CDK19: variants seen among roughly 807,000 people sequenced by gnomAD.
CDK19 encodes cyclin dependent kinase 19.
A neutral mutation model predicts 68.3 loss-of-function variants in CDK19; 20 were observed. The observed-to-expected ratio is 0.29, with a 90% CI of 0.21 to 0.43. The LOEUF (loss-of-function observed/expected upper bound fraction) is 0.43. Ranked by LOEUF, CDK19 falls within the 20% of genes least tolerant of loss-of-function variation. CDK19 has a pLI of 1.00. For missense variants in CDK19, 339 were observed against 623.5 expected, an observed-to-expected ratio of 0.54 and a Z score of 4.86; for synonymous variants, 221 against 222.8, an observed-to-expected ratio of 0.99 and a Z score of 0.07.
At chr6:110,748,236 G>C (rs992585883) in intron 1 of CDK19, among the ~76,000 whole-genome samples, 19 of 152,230 alleles carry the variant, frequency 1.2e-4, no homozygotes, top group African/African-American at 3.8e-4. Flanking sequence ...GAAACTATAA[G>C]ATCTTTGCAG....
intron 1 of CDK19, among the ~76,000 whole-genome samples, chr6:110,796,153 A>G (rs1583121895): frequency 6.6e-6 from 1 of 152,296 alleles, no homozygotes; most frequent in East Asian, 1.9e-4. Context: ...CCTGGCCAAC[A>G]TGGAGAAACC....
intron 1 of CDK19, among the ~76,000 whole-genome samples, chr6:110,749,774 CTATT>C (rs770260936): frequency 6.9e-4 from 104 of 151,568 alleles, no homozygotes; most frequent in Non-Finnish European, 1.3e-3. Context: ...AATGACCACA[CTATT>C]TTTTTTTTTT....
intron 4 of CDK19, among the ~76,000 whole-genome samples, chr6:110,664,104 T>C (rs1356799016): frequency 2.0e-5 from 3 of 152,172 alleles, no homozygotes; most frequent in Non-Finnish European, 4.4e-5. Context: ...CTCCAACCCA[T>C]ATCTTCTGAG....
At chr6:110,746,526 C>T (rs1778089043) in intron 1 of CDK19, among the ~76,000 whole-genome samples, 1 of 152,268 alleles carries the variant, frequency 6.6e-6, no homozygotes, top group South Asian at 2.1e-4. Context: ...TAATTCCACT[C>T]CTGTCTTAAT....
intron 2 of CDK19, among the ~76,000 whole-genome samples, chr6:110,710,170 T>C (rs979131223): frequency 1.3e-5 from 2 of 152,154 alleles, no homozygotes; most frequent in Admixed American, 1.3e-4. Flanking sequence ...AGAAAAGTAG[T>C]CATTTATAAC....
chr6:110,657,731 T>C (rs755096124), intron 4 of CDK19, among the ~76,000 whole-genome samples: 62 of 152,174 alleles, frequency 4.1e-4, no homozygotes, highest in Admixed American at 5.2e-4. Context: ...TACATGTGTT[T>C]GTCAGCACAG....
intron 2 of CDK19, among the ~76,000 whole-genome samples, chr6:110,695,147 G>A (rs1209398621): frequency 6.6e-6 from 1 of 151,476 alleles, no homozygotes; most frequent in East Asian, 1.9e-4. Flanking sequence ...GGGGAAAGGG[G>A]AAAGGAAAGA....
chr6:110,653,286 G>C (rs1041180242), intron 4 of CDK19, among the ~76,000 whole-genome samples: 1 of 152,088 alleles, frequency 6.6e-6, no homozygotes, highest in Admixed American at 6.6e-5. Flanking sequence ...TCTATATTAA[G>C]TTGTGTTTGC....
rs184287713 is a variant in CDK19 at position 110,642,547 on chromosome 6, A to G, written c.457-3841T>C. 9.7e-4 allele frequency among the ~76,000 whole-genome samples: 148 copies of G among 152,354 alleles called. 1 individual carries two copies. The highest frequency in any genetic ancestry group is 2.6e-3 in the Admixed American group (40 of 15,308). On this transcript the variant is annotated intron_variant, in intron 4 of 12. Transcript: ENST00000368911. ...TAAGTATACAACATATCATATACTG[A>G]TAAGTACCATGGAAAAGAAAACAAA...
chr6:110,699,183 G>A (rs191725592), intron 2 of CDK19, among the ~76,000 whole-genome samples: 1 of 152,204 alleles, frequency 6.6e-6, no homozygotes, highest in East Asian at 1.9e-4. Flanking sequence ...CCAGCACTCT[G>A]GGAGGCCAAG....
At chr6:110,649,315 G>GA (rs1035141492) in intron 4 of CDK19, among the ~76,000 whole-genome samples, 11 of 151,922 alleles carry the variant, frequency 7.2e-5, no homozygotes, top group African/African-American at 2.2e-4. Context: ...TCTAAATGTG[G>GA]AAAAAATCAA....
intron 2 of CDK19, among the ~76,000 whole-genome samples, chr6:110,688,207 G>A (rs535267915): frequency 2.2e-4 from 33 of 152,100 alleles, no homozygotes; most frequent in African/African-American, 8.0e-4. Context: ...CTAACATGGC[G>A]AAACCTCATC....
intron 1 of CDK19, among the ~76,000 whole-genome samples, chr6:110,804,694 A>G (rs1195717256): frequency 3.4e-5 from 5 of 145,714 alleles, no homozygotes; most frequent in Non-Finnish European, 6.0e-5. Context: ...GGTGGCTCAC[A>G]CCTGTAATCC....
At chr6:110,649,550 TAAAG>T (rs1367734919) in intron 4 of CDK19, among the ~76,000 whole-genome samples, 4 of 151,676 alleles carry the variant, frequency 2.6e-5, no homozygotes, top group African/African-American at 9.7e-5. Context: ...TATCAAAAGA[TAAAG>T]AAAATAAATG....
At chr6:110,670,057 T>G (rs562262840) in intron 3 of CDK19, among the ~76,000 whole-genome samples, 1 of 152,188 alleles carries the variant, frequency 6.6e-6, no homozygotes, top group East Asian at 1.9e-4. Context: ...CTAAAGAGGC[T>G]GAGGCAGGAG....
chr6:110,615,020 T>C (rs1318867459), intron 12 of CDK19, among the ~76,000 whole-genome samples: 3 of 152,176 alleles, frequency 2.0e-5, no homozygotes, highest in Non-Finnish European at 2.9e-5. Flanking sequence ...GAATAATCAA[T>C]TTGGCATACT....
intron 1 of CDK19, chr6:110,814,593 C>A: frequency 2.2e-6 from 1 of 460,426 alleles, no homozygotes; most frequent in South Asian, 1.5e-5. Context: ...AGGCGCTCAG[C>A]CGATTGGAAG....
At chr6:110,752,436 A>G (rs985816947) in intron 1 of CDK19, among the ~76,000 whole-genome samples, 15 of 152,202 alleles carry the variant, frequency 9.9e-5, no homozygotes, top group Non-Finnish European at 2.2e-4. Flanking sequence ...ATTCTGAAAC[A>G]TTTAAAATCT....
intron 4 of CDK19, chr6:110,643,088 G>C: frequency 1.4e-6 from 1 of 695,048 alleles, no homozygotes; most frequent in South Asian, 2.0e-5. Flanking sequence ...TAAGGAAGCT[G>C]AGCCTGCTAC....
Sources: gnomAD v4.1 joint callset for allele counts (sites outside exome capture counted in the v4.1 genomes callset) on GRCh38, gnomAD v4.1.1 for gene constraint, MANE v1.5 for transcripts, NCBI Gene and HGNC (gene_info 2026-07-23, HGNC 2026-07-21) for gene names.